KLF7: variants seen among roughly 807,000 people sequenced by gnomAD.
KLF7 encodes KLF transcription factor 7.
A neutral mutation model predicts 27.3 loss-of-function variants in KLF7; 2 were observed. The observed-to-expected ratio is 0.07, with a 90% CI of 0.03 to 0.23. KLF7 has a LOEUF of 0.23. KLF7 is among the 10% of genes least tolerant of loss of function. The pLI, the probability that KLF7 is intolerant of heterozygous loss-of-function variation, is 1.00. For synonymous variants in KLF7, 165 were observed against 162.4 expected (o/e 1.02, Z -0.12); for missense variants, 221 against 394.1 (o/e 0.56, Z 3.72).
chr2:207,075,681 G>C lies in KLF7; in HGVS notation c.*5532C>G, dbSNP rs1363585502. ...GGAGAAGGAGCTTGACGCGGGGGCG[G>C]GTGGGGGCTTGTGGAAAGGAAGGGG... On this transcript the variant is annotated 3_prime_UTR_variant, in exon 4 of 4. Coordinates refer to ENST00000309446, the MANE Select transcript of KLF7 (RefSeq NM_003709.4). 6.6e-6 allele frequency: 1 copy of C among 152,092 alleles called. No homozygotes were observed. The highest frequency in any genetic ancestry group is 2.4e-5 in the African/African-American group (1 of 41,408). The allele number at this position is 152,092 out of a possible 1,614,324, so 9.4% of individuals were successfully genotyped here. A position where few individuals can be genotyped will look rare whatever the true frequency, so the allele number is the denominator to read the frequency against.
At chr2:207,138,631 C>T (rs957752369) in intron 1 of KLF7, among the ~76,000 whole-genome samples, 2 of 152,116 alleles carry the variant, frequency 1.3e-5, no homozygotes, top group East Asian at 3.9e-4. Context: ...TTTAGTGGTC[C>T]AAATTAAGAA....
intron 2 of KLF7, among the ~76,000 whole-genome samples, chr2:207,098,063 A>T (rs1252524250): frequency 6.6e-6 from 1 of 152,204 alleles, no homozygotes; most frequent in Non-Finnish European, 1.5e-5. Flanking sequence ...TATGTTCTCA[A>T]GTTTTGAAAC....
At chr2:207,092,310 C>A (rs1473972571) in intron 2 of KLF7, among the ~76,000 whole-genome samples, 1 of 152,234 alleles carries the variant, frequency 6.6e-6, no homozygotes, top group African/African-American at 2.4e-5. Context: ...TGAGTGAAGG[C>A]AAGGACACCA....
At chr2:207,150,026 C>T (rs1425315952) in intron 1 of KLF7, among the ~76,000 whole-genome samples, 2 of 152,166 alleles carry the variant, frequency 1.3e-5, no homozygotes, top group African/African-American at 4.8e-5. Flanking sequence ...CTTTCAGAAG[C>T]AAATAGTCCC....
upstream of KLF7, chr2:207,167,053 TAAA>T (rs1313316835): frequency 8.5e-7 from 1 of 1,177,746 alleles, no homozygotes; most frequent in African/African-American, 1.6e-5. Context: ...GACTGTGCGT[TAAA>T]GAGGCTAGAG....
At position 207,165,716 on chromosome 2, in the gene KLF7, A is replaced by G; in HGVS notation, c.-148T>C. The G allele has an allele frequency of 5.8e-6, 5 of 862,102 alleles. No homozygotes were observed. The South Asian group carries it at 9.5e-5, about 16-fold the overall frequency. 53.4% of individuals were successfully genotyped at this position (862,102 alleles called of 1,614,324 possible). A position where few individuals can be genotyped will look rare whatever the true frequency, so the allele number is the denominator to read the frequency against. ...GTTTTGTTTCAGTCAACTAAAAAGG[A>G]AAAAAAAAAATCAATGCAGGAGAGG... On this transcript the variant is annotated 5_prime_UTR_variant, in exon 1 of 4. Transcript: ENST00000309446.
At chr2:207,083,734 A>G (rs1454469545) in intron 3 of KLF7, among the ~76,000 whole-genome samples, 1 of 152,232 alleles carries the variant, frequency 6.6e-6, no homozygotes, top group Non-Finnish European at 1.5e-5. Flanking sequence ...CTGACATTAA[A>G]CAGGGAGATT....
At chr2:207,166,035 C>A, upstream of KLF7, 1 of 577,054 alleles carries the variant, frequency 1.7e-6, no homozygotes, top group Non-Finnish European at 2.1e-6. Flanking sequence ...CTTCCCTTCC[C>A]TCCCCACCCC....
rs772681371 is a variant in KLF7, at chr2:207,124,062, C to T, written c.445G>A (p.Val149Ile). The change falls in exon 2 of 4, where the codon GTC becomes ATC. Residue 149 changes from valine (V) to isoleucine (I), a missense_variant. By Grantham distance (29) the Val-to-Ile change is conservative. This residue lies in a region of KLF7 where 180 missense variants were observed against 227.9 expected (regional missense o/e 0.79). Transcript: ENST00000309446. ...PSSPELSRHL[V>I]KTSQTLSAVD... Reference sequence around the variant, plus strand: ...GCAGAGAGAGTTTGTGAGGTTTTGACCAGATGGCGGCTGAGCTCAGGGGAC... The same window carrying T: ...GCAGAGAGAGTTTGTGAGGTTTTGATCAGATGGCGGCTGAGCTCAGGGGAC... The T allele has an allele frequency of 3.1e-6, 5 of 1,614,150 alleles. No homozygotes were observed. Among genetic ancestry groups the T allele is most frequent in the Non-Finnish European group, 3.4e-6 (4 of 1,180,040 alleles).
upstream of KLF7, among the ~76,000 whole-genome samples, chr2:207,167,942 G>T (rs896058464): frequency 6.6e-6 from 1 of 152,196 alleles, no homozygotes; most frequent in Non-Finnish European, 1.5e-5. Flanking sequence ...ACCTTTAGGA[G>T]AATATACTAT....
At position 207,164,827 on chromosome 2, in the gene KLF7, GA is replaced by G. The variant is rs550581553; in HGVS notation, c.102+639del. ...TCTCTTTCTGGAGGGATCACACTGG[GA>G]AAACCTACAATTCATTGTCAGCCTC... On this transcript the variant is annotated intron_variant, in intron 1 of 3. Transcript: ENST00000309446. 5.6e-3 allele frequency among the ~76,000 whole-genome samples: 850 copies of G among 152,266 alleles called. 5 individuals carry two copies. Among genetic ancestry groups the G allele is most frequent in the Non-Finnish European group, 1.0e-2 (677 of 68,018 alleles).
chr2:207,133,256 G>A (rs1472175478), intron 1 of KLF7, among the ~76,000 whole-genome samples: 3 of 152,138 alleles, frequency 2.0e-5, no homozygotes, highest in Non-Finnish European at 2.9e-5. Flanking sequence ...CCCTGCTTTG[G>A]TCATTACACT....
intron 1 of KLF7, among the ~76,000 whole-genome samples, chr2:207,155,823 C>G (rs938347081): frequency 6.6e-6 from 1 of 152,142 alleles, no homozygotes; most frequent in Non-Finnish European, 1.5e-5. Flanking sequence ...CCCATATGAA[C>G]AAAGGCTAAA....
At chr2:207,123,192 A>G (rs2077386398) in intron 2 of KLF7, among the ~76,000 whole-genome samples, 1 of 152,066 alleles carries the variant, frequency 6.6e-6, no homozygotes, top group Non-Finnish European at 1.5e-5. Context: ...TAACAAGCTC[A>G]TTAAAAAGCA....
intron 2 of KLF7, among the ~76,000 whole-genome samples, chr2:207,111,104 A>C (rs1881935): frequency 0.64 from 97,935 of 151,994 alleles, 31,886 homozygotes; most frequent in African/African-American, 0.67. Flanking sequence ...CCCTGAGGGA[A>C]AAAATCTCCC....
At chr2:207,139,102 G>A (rs918627977) in intron 1 of KLF7, among the ~76,000 whole-genome samples, 1 of 152,126 alleles carries the variant, frequency 6.6e-6, no homozygotes, top group African/African-American at 2.4e-5. Flanking sequence ...CAGCCCACGA[G>A]GTACTGAATC....
chr2:207,134,933 A>C (rs555804392), intron 1 of KLF7, among the ~76,000 whole-genome samples: 9 of 152,358 alleles, frequency 5.9e-5, no homozygotes, highest in African/African-American at 2.2e-4. Flanking sequence ...CTGGGCATGC[A>C]CACTCTGTAT....
At chr2:207,142,663 C>T (rs112380070) in intron 1 of KLF7, among the ~76,000 whole-genome samples, 2 of 152,270 alleles carry the variant, frequency 1.3e-5, no homozygotes, top group African/African-American at 4.8e-5. Context: ...AATGAGTGAA[C>T]TTTTGCCAAG....
intron 2 of KLF7, 114 bp downstream of exon 2, chr2:207,123,660 A>C: frequency 8.4e-7 from 1 of 1,190,470 alleles, no homozygotes; most frequent in Non-Finnish European, 1.2e-6. Context: ...CCGCCTGTCT[A>C]TCACCTCCTC....
Sources: allele counts gnomAD v4.1 joint callset (sites outside exome capture counted in the v4.1 genomes callset), GRCh38; gene constraint gnomAD v4.1.1; regional missense constraint gnomAD v4.1.1; transcripts MANE v1.5; gene names NCBI Gene and HGNC (gene_info 2026-07-23, HGNC 2026-07-21).